The following SAMMSON variants were observed in gnomAD, a reference collection of about 807,000 sequenced individuals.
SAMMSON encodes the protein long intergenic non-protein coding RNA 1212.
At chr3:70,351,301 G>A (rs912778768) in intron 7 of SAMMSON, among the ~76,000 whole-genome samples, 3 of 152,098 alleles carry the variant, frequency 2.0e-5, no homozygotes, top group African/African-American at 7.2e-5. Context: ...TAAATACCTG[G>A]ATAGAGCCTG....
intron 4 of SAMMSON, among the ~76,000 whole-genome samples, chr3:70,093,507 C>T (rs529017097): frequency 3.3e-5 from 5 of 152,146 alleles, no homozygotes; most frequent in Admixed American, 2.0e-4. Context: ...CTGTGTTAGA[C>T]CTCTGCCACA....
intron 1 of SAMMSON, among the ~76,000 whole-genome samples, chr3:70,002,716 C>T (rs1396407286): frequency 6.6e-6 from 1 of 152,096 alleles, no homozygotes; most frequent in Non-Finnish European, 1.5e-5. Context: ...TGCTAGAGGT[C>T]AGAGAACATA....
chr3:70,423,418 T>A (rs958877311), intron 2 of SAMMSON, among the ~76,000 whole-genome samples: 1 of 152,176 alleles, frequency 6.6e-6, no homozygotes, highest in Non-Finnish European at 1.5e-5. Flanking sequence ...GAAATATTGC[T>A]GCATTCTTCC....
intron 9 of SAMMSON, among the ~76,000 whole-genome samples, chr3:70,377,237 A>G (rs1275663116): frequency 2.0e-5 from 3 of 152,150 alleles, no homozygotes; most frequent in Non-Finnish European, 4.4e-5. Context: ...GGAGATAGTT[A>G]ATTTCTAGAA....
chr3:70,237,816 G>T (rs1305033720), intron 4 of SAMMSON, among the ~76,000 whole-genome samples: 1 of 152,078 alleles, frequency 6.6e-6, no homozygotes, highest in Non-Finnish European at 1.5e-5. Flanking sequence ...CATGGACAAA[G>T]GCAGAGTATT....
chr3:70,322,660 C>A (rs1028054281), intron 7 of SAMMSON, among the ~76,000 whole-genome samples: 2 of 152,090 alleles, frequency 1.3e-5, no homozygotes, highest in African/African-American at 2.4e-5. Context: ...TATAACAGGA[C>A]TTTTGGATCC....
chr3:70,146,725 A>G (rs925633688), intron 4 of SAMMSON, among the ~76,000 whole-genome samples: 4 of 152,038 alleles, frequency 2.6e-5, no homozygotes, highest in African/African-American at 7.2e-5. Context: ...AGGCTGTCTT[A>G]TAGAGAAATG....
chr3:70,109,276 C>T (rs2067379241), intron 4 of SAMMSON, among the ~76,000 whole-genome samples: 1 of 151,970 alleles, frequency 6.6e-6, no homozygotes, highest in South Asian at 2.1e-4. Flanking sequence ...AATTGATTGA[C>T]CATTTAGTCA....
chr3:70,098,819 TA>T (rs1325238147), intron 4 of SAMMSON, among the ~76,000 whole-genome samples: 2 of 152,186 alleles, frequency 1.3e-5, no homozygotes, highest in African/African-American at 4.8e-5. Context: ...GCCCCTGTAG[TA>T]AAAAACCCTT....
At chr3:70,432,300 G>T (rs1559588516) in intron 2 of SAMMSON, among the ~76,000 whole-genome samples, 1 of 150,436 alleles carries the variant, frequency 6.6e-6, no homozygotes, top group African/African-American at 2.4e-5. Context: ...TCTTTTGTGA[G>T]GTATATGTTA....
chr3:70,203,315 A>G (rs1701258918), intron 4 of SAMMSON, among the ~76,000 whole-genome samples: 1 of 152,170 alleles, frequency 6.6e-6, no homozygotes, highest in African/African-American at 2.4e-5. Flanking sequence ...CCAAAAGTGT[A>G]AAAATCGGTT....
Position 70,295,141 on chromosome 3 carries a change from G to A in SAMMSON, n.739+3898G>A, listed in dbSNP as rs1259899559. Among the ~76,000 whole-genome samples, 6 of 152,170 alleles carry A rather than the reference G, an allele frequency of 3.9e-5. No homozygotes were observed. The East Asian group carries it at 9.6e-4, about 24-fold the overall frequency. On this transcript the variant is annotated intron_variant and non_coding_transcript_variant, in intron 7 of 9. Coordinates refer to ENST00000642114, the Ensembl canonical transcript of SAMMSON. ...AATTCTTCCAACTTCTGAGATGGGT[G>A]ATGGAGTCACCCTGGAAATGCATGA...
intron 7 of SAMMSON, among the ~76,000 whole-genome samples, chr3:70,317,999 A>G (rs942784476): frequency 2.0e-5 from 3 of 151,540 alleles, no homozygotes; most frequent in African/African-American, 7.3e-5. Flanking sequence ...TTGTTCCTCT[A>G]TATCTAATGT....
intron 4 of SAMMSON, among the ~76,000 whole-genome samples, chr3:70,106,875 G>A (rs1433641611): frequency 6.6e-6 from 1 of 152,138 alleles, no homozygotes; most frequent in Admixed American, 6.6e-5. Context: ...TACTGCTGCT[G>A]CCTGTTAATG....
intron 3 of SAMMSON, chr3:70,030,221 A>T (rs1350473791): frequency 2.0e-5 from 3 of 152,220 alleles, no homozygotes; most frequent in Non-Finnish European, 2.9e-5. Context: ...ATTTTAAAAA[A>T]TTTCACACAT....
chr3:70,083,499 C>G (rs1263417347), intron 4 of SAMMSON, among the ~76,000 whole-genome samples: 1 of 152,170 alleles, frequency 6.6e-6, no homozygotes, highest in East Asian at 1.9e-4. Context: ...GTCACCAAAT[C>G]TTGGCCATGA....
At chr3:70,370,595 T>TTGTATATC (rs1702960122) in intron 9 of SAMMSON, among the ~76,000 whole-genome samples, 2 of 152,028 alleles carry the variant, frequency 1.3e-5, no homozygotes, top group South Asian at 4.1e-4. Flanking sequence ...TGTTGGCCAT[T>TTGTATATC]TGTATATCTT....
chr3:70,082,474 G>A (rs1378750464), intron 4 of SAMMSON, among the ~76,000 whole-genome samples: 1 of 152,164 alleles, frequency 6.6e-6, no homozygotes, highest in Non-Finnish European at 1.5e-5. Flanking sequence ...TGTTGGTGGG[G>A]AAGGTGGTTT....
chr3:70,297,036 A>T (rs1702296544), intron 7 of SAMMSON, among the ~76,000 whole-genome samples: 1 of 151,936 alleles, frequency 6.6e-6, no homozygotes, highest in African/African-American at 2.4e-5. Context: ...TGGCTTAACC[A>T]AGGTGTGCTG....
Sources: gnomAD v4.1 joint callset for allele counts (sites outside exome capture counted in the v4.1 genomes callset) on GRCh38, gnomAD v4.1.1 for gene constraint, MANE v1.5 for transcripts, NCBI Gene and HGNC (gene_info 2026-07-23, HGNC 2026-07-21) for gene names.